Variants in SWI5 observed in about 807,000 individuals in gnomAD.
SWI5 encodes the protein SWI5 homologous recombination repair protein, also known as DNA repair protein SWI5 homolog.
A neutral mutation model predicts 17.0 loss-of-function variants in SWI5; 12 were observed. The observed-to-expected ratio is 0.71, with a 90% CI of 0.45 to 1.14. The LOEUF (loss-of-function observed/expected upper bound fraction) is 1.14, where lower values mean the gene tolerates loss of function less well. SWI5 is among the 50% of genes most tolerant of loss of function. The pLI, the probability that SWI5 is intolerant of heterozygous loss-of-function variation, is 0.00. For missense variants in SWI5, 158 were observed against 162.2 expected, an observed-to-expected ratio of 0.97 and a Z score of 0.14; for synonymous variants, 61 against 64.0, an observed-to-expected ratio of 0.95 and a Z score of 0.22.
Position 128,285,915 on chromosome 9 carries a change from C to T in SWI5, c.234-24C>T. ...GCTTTCTTAACTGGGCTGTCTTTCC[C>T]CCTCTCTCCATCGCTTATCCCAGAG... On this transcript the variant is annotated intron_variant, in intron 3 of 4. Transcript: ENST00000418976. This position sits in a 1 kb window ranked among gnomAD's most constrained non-coding sequence, Gnocchi z 4.8. The T allele has an allele frequency of 6.4e-7, 1 of 1,565,370 alleles. No individual in the cohort carries two copies. Among genetic ancestry groups the T allele is most frequent in the Non-Finnish European group, 8.8e-7 (1 of 1,136,012 alleles).
At chr9:128,280,611 G>C (rs1308558737) in intron 2 of SWI5, among the ~76,000 whole-genome samples, 1 of 151,888 alleles carries the variant, frequency 6.6e-6, no homozygotes, top group Non-Finnish European at 1.5e-5. Flanking sequence ...GCTGCCTCCA[G>C]GGTTCAAGCG....
intron 2 of SWI5, among the ~76,000 whole-genome samples, chr9:128,282,251 G>T (rs776673358): frequency 1.2e-4 from 18 of 152,130 alleles, no homozygotes; most frequent in Non-Finnish European, 2.2e-4. Context: ...GCCGAGTGTG[G>T]TGACATGCGC....
intron 2 of SWI5, among the ~76,000 whole-genome samples, chr9:128,278,181 G>A (rs887209074): frequency 1.3e-5 from 2 of 151,820 alleles, no homozygotes; most frequent in African/African-American, 4.8e-5. Flanking sequence ...TCTCAAACTC[G>A]TGAGCTCAAA....
intron 2 of SWI5, among the ~76,000 whole-genome samples, chr9:128,279,522 G>C (rs898836541): frequency 1.3e-5 from 2 of 152,214 alleles, no homozygotes; most frequent in Non-Finnish European, 2.9e-5. Context: ...AAAGCAGAGA[G>C]GGAAGGCAGC....
chr9:128,280,510 TAAA>T (rs776076324), intron 2 of SWI5, among the ~76,000 whole-genome samples: 30,134 of 133,318 alleles, frequency 0.23, 3,670 homozygotes, highest in African/African-American at 0.37. Context: ...CTGTTCTTTT[TAAA>T]AAAAAAAAAA....
At chr9:128,275,948 C>T, upstream of SWI5, 1 of 1,567,696 alleles carries the variant, frequency 6.4e-7, no homozygotes, top group Non-Finnish European at 8.7e-7. Flanking sequence ...CATCGCGGGG[C>T]GGGGAGGGAG....
intron 2 of SWI5, among the ~76,000 whole-genome samples, chr9:128,279,368 T>C (rs1245862154): frequency 6.6e-6 from 1 of 151,908 alleles, no homozygotes; most frequent in Non-Finnish European, 1.5e-5. Context: ...AGACCGGTAG[T>C]GGCCCAGAAT....
At position 128,285,793 on chromosome 9, in the gene SWI5, G is replaced by T; in HGVS notation, c.234-146G>T. ...CCTGCCCTGCTGTAAGCTTCATGAG[G>T]GCAGGGCCTATCTTGCTGTCACCAT... is the stretch of plus-strand genomic sequence containing the variant. On this transcript the variant is annotated intron_variant, in intron 3 of 4. Transcript: ENST00000418976. This position sits in a 1 kb window ranked among gnomAD's most constrained non-coding sequence, Gnocchi z 4.8. 1 of 589,412 alleles carries T rather than the reference G, an allele frequency of 1.7e-6. No homozygotes were observed. Among genetic ancestry groups the T allele is most frequent in the Non-Finnish European group, 3.1e-6 (1 of 324,046 alleles). 36.5% of individuals were successfully genotyped at this position (589,412 alleles called of 1,614,324 possible).
chr9:128,276,666 C>CTG (rs1481172998), intron 1 of SWI5, 41 bp from the exon 2 acceptor site: 1 of 1,613,934 alleles, frequency 6.2e-7, no homozygotes, highest in East Asian at 2.2e-5. Context: ...TCACAGCGGG[C>CTG]TGTGGGTCCA....
At chr9:128,277,851 G>A (rs756421364) in intron 2 of SWI5, among the ~76,000 whole-genome samples, 1 of 152,078 alleles carries the variant, frequency 6.6e-6, no homozygotes, top group Non-Finnish European at 1.5e-5. Flanking sequence ...GGCTGATTGA[G>A]CTTCTCTCTG....
At chr9:128,288,235 GAGC>G (rs1229961747) in intron 4 of SWI5, among the ~76,000 whole-genome samples, 2 of 152,112 alleles carry the variant, frequency 1.3e-5, no homozygotes, top group African/African-American at 4.8e-5. Flanking sequence ...GGGCAAACTC[GAGC>G]AGTGGGCCAT....
chr9:128,283,958 A>G (rs1447868313), intron 2 of SWI5, among the ~76,000 whole-genome samples: 1 of 151,696 alleles, frequency 6.6e-6, no homozygotes, highest in Non-Finnish European at 1.5e-5. Flanking sequence ...ACGCCACTGC[A>G]ATCCAGCCTG....
At position 128,276,737 on chromosome 9, in the gene SWI5, C is replaced by T. The variant is rs760814192; in HGVS notation, c.93C>T (p.Arg31=). The T allele has an allele frequency of 3.7e-6, 6 of 1,612,884 alleles. No individual in the cohort carries two copies. The East Asian group carries it at 1.3e-4, about 36-fold the overall frequency. ...AACCAAGACTTACCCGAAGTTGCCG[C>T]GGGGCCTTCCGATCCCCTGTGAGTA... is the stretch of plus-strand genomic sequence containing the variant. The change falls in exon 2 of 5, where the codon CGC becomes CGT. Residue 31 remains arginine, a synonymous_variant. Coordinates refer to ENST00000418976, the Ensembl canonical transcript of SWI5.
chr9:128,284,560 G>T, exon 3 of SWI5: 1 of 1,613,996 alleles, frequency 6.2e-7, no homozygotes, highest in Admixed American at 1.7e-5. Flanking sequence ...AGGAGTCTCT[G>T]CACCTTGACA....
chr9:128,277,209 C>T (rs1831424879), intron 2 of SWI5, among the ~76,000 whole-genome samples: 1 of 152,174 alleles, frequency 6.6e-6, no homozygotes, highest in African/African-American at 2.4e-5. Context: ...CCTACTCCTT[C>T]TCTCATCCCC....
At position 128,284,396 on chromosome 9, in the gene SWI5, G is replaced by A. The variant is rs1002633562; in HGVS notation, c.112-114G>A. On this transcript the variant is annotated intron_variant, in intron 2 of 4. Coordinates refer to ENST00000418976, the Ensembl canonical transcript of SWI5. ...AGGCTTGGAAATGCAGTCTTATTGA[G>A]GGGGTTAGGGTGCCTATTAGCAAGC... is the stretch of plus-strand genomic sequence containing the variant. 125 of 1,262,646 alleles carry A rather than the reference G, an allele frequency of 9.9e-5. No homozygotes were observed. The South Asian group carries it at 1.9e-3, about 19-fold the overall frequency. The allele number at this position is 1,262,646 out of a possible 1,614,324, so 78.2% of individuals were successfully genotyped here. A position where few individuals can be genotyped will look rare whatever the true frequency, so the allele number is the denominator to read the frequency against.
At chr9:128,279,821 T>C (rs1160214452) in intron 2 of SWI5, among the ~76,000 whole-genome samples, 2 of 152,166 alleles carry the variant, frequency 1.3e-5, no homozygotes, top group Admixed American at 6.5e-5. Flanking sequence ...TTTCACGGTC[T>C]GCTAGGTAAC....
In SWI5 at chr9:128,276,265, T is replaced by G. The variant is rs1283352466; in HGVS notation, c.-76T>G. Reference sequence around the variant, plus strand: ...GCTTTCCTTGGGTGCGCGCGCAGCTTTCTGTGCGCCAGTTCACACTCCGGG... The same window carrying G: ...GCTTTCCTTGGGTGCGCGCGCAGCTGTCTGTGCGCCAGTTCACACTCCGGG... On this transcript the variant is annotated 5_prime_UTR_variant, in exon 1 of 5. Coordinates refer to ENST00000418976, the Ensembl canonical transcript of SWI5. 1.2e-6 allele frequency: 2 copies of G among 1,612,672 alleles called. No homozygotes were observed. Among genetic ancestry groups the G allele is most frequent in the African/African-American group, 1.3e-5 (1 of 74,980 alleles).
rs1418897036 is a variant in SWI5, at chr9:128,284,493, CT to C, written c.112-12del. 6.2e-7 allele frequency: 1 copy of C among 1,611,208 alleles called. No individual in the cohort carries two copies. The highest frequency in any genetic ancestry group is 1.7e-5 in the Admixed American group (1 of 59,766). ...GATAACTGGTCAGTCTGGCTGATGA[CT>C]TTTTCTGCCTCTCAGAGGCCATTGC... On this transcript the variant is annotated splice_polypyrimidine_tract_variant and intron_variant, in intron 2 of 4. Transcript: ENST00000418976.
Sources: allele counts gnomAD v4.1 joint callset (sites outside exome capture counted in the v4.1 genomes callset), GRCh38; gene constraint gnomAD v4.1.1; non-coding constraint Gnocchi (gnomAD v3.1); transcripts MANE v1.5; gene names NCBI Gene and HGNC (gene_info 2026-07-23, HGNC 2026-07-21).